The following POLA2 variants were observed in gnomAD, a reference collection of about 807,000 sequenced individuals.
POLA2 encodes DNA polymerase alpha subunit B.
In POLA2, 47 loss-of-function variants were observed where a neutral mutation model predicts 82.8. The ratio of observed to expected loss-of-function variants is 0.57; its 90% CI spans 0.45 to 0.72. The LOEUF (loss-of-function observed/expected upper bound fraction) is 0.72. POLA2 is among the 30% of genes least tolerant of loss of function. The probability of loss-of-function intolerance (pLI) is 0.00; values close to 1 mark genes in which losing one functional copy is unlikely to be tolerated. For synonymous variants in POLA2, 287 were observed against 286.8 expected, an observed-to-expected ratio of 1.00 and a Z score of -0.01; for missense variants, 634 against 728.1, an observed-to-expected ratio of 0.87 and a Z score of 1.49.
In POLA2 at chr11:65,288,508, TTTTG is replaced by T. The variant is rs1342733366; in HGVS notation, c.1132-538_1132-535del. Among the ~76,000 whole-genome samples, 782 of 113,296 alleles carry T rather than the reference TTTTG, an allele frequency of 6.9e-3. 6 individuals are homozygous for T. Among genetic ancestry groups the T allele is most frequent in the African/African-American group, 0.02 (751 of 37,070 alleles). 74.3% of individuals were successfully genotyped at this position (113,296 alleles called of 152,430 possible). A position where few individuals can be genotyped will look rare whatever the true frequency, so the allele number is the denominator to read the frequency against. On this transcript the variant is annotated intron_variant, in intron 11 of 17. Transcript: ENST00000265465. ...TGTGCATTTTTATTGTTCGTTTGTT[TTTTG>T]TTTTTTTTTTTTTTTTTGGGACAGA...
Position 65,278,714 on chromosome 11 carries a change from T to C in POLA2, c.462-16T>C, listed in dbSNP as rs776876238. 8 of 1,605,960 alleles carry C rather than the reference T, an allele frequency of 5.0e-6. No homozygotes were observed. In the Admixed American group the frequency reaches 1.3e-4, roughly 27 times the overall value. On this transcript the variant is annotated splice_polypyrimidine_tract_variant and intron_variant, in intron 5 of 17. Transcript: ENST00000265465. ...ATATGAACACAGTAATATTAACCTGTTTTGCTTCCAATTAGTGCTACTCCC... is the reference window on the plus strand; with the variant it reads ...ATATGAACACAGTAATATTAACCTGCTTTGCTTCCAATTAGTGCTACTCCC...
rs181982036 is a variant in POLA2, at chr11:65,293,254, C to A, written c.1245-899C>A. On this transcript the variant is annotated intron_variant, in intron 13 of 17. Coordinates refer to ENST00000265465, the MANE Select transcript of POLA2 (RefSeq NM_002689.4). ...CCTCCCACTGGAAATGTCTGTGTCT[C>A]GGTTGTCCAGTAATTATGGCCCAGT... Among the ~76,000 whole-genome samples, 5 of 152,162 alleles carry A rather than the reference C, an allele frequency of 3.3e-5. No individual in the cohort carries two copies. In the East Asian group the frequency reaches 9.7e-4, roughly 29 times the overall value.
chr11:65,296,102 C>G (rs767209835), intron 17 of POLA2, 112 bp downstream of exon 17: 1 of 1,168,302 alleles, frequency 8.6e-7, no homozygotes, highest in Non-Finnish European at 1.3e-6. Flanking sequence ...GATGGGGCCT[C>G]TAGCACCCTG....
downstream of POLA2, among the ~76,000 whole-genome samples, chr11:65,299,254 G>C (rs1296460353): frequency 3.3e-5 from 5 of 152,218 alleles, no homozygotes; most frequent in African/African-American, 1.2e-4. Context: ...CATGGCCCCT[G>C]CCCTTGAGAC....
chr11:65,275,366 CAAA>C (rs760641138), intron 4 of POLA2, among the ~76,000 whole-genome samples: 19 of 85,758 alleles, frequency 2.2e-4, no homozygotes, highest in Non-Finnish European at 2.1e-4. Context: ...GTTGATGAGT[CAAA>C]AAAAAAAAAA....
At chr11:65,302,200 C>T (rs1338385372), downstream of POLA2, among the ~76,000 whole-genome samples, 3 of 152,240 alleles carry the variant, frequency 2.0e-5, no homozygotes, top group Non-Finnish European at 4.4e-5. Flanking sequence ...CTTCTCTGCT[C>T]ACTCCCATCG....
At chr11:65,305,578 G>A (rs1436926147) in exon 9 of POLA2, 8 of 362,890 alleles carry the variant, frequency 2.2e-5, no homozygotes, top group East Asian at 1.5e-4. Context: ...GGAGGCCAAG[G>A]CGGGAGGATG....
intron 8 of POLA2, 143 bp downstream of exon 8, chr11:65,281,290 A>G: frequency 1.1e-6 from 1 of 884,298 alleles, no homozygotes; most frequent in East Asian, 2.5e-5. Flanking sequence ...AGCAGACACC[A>G]CTGTTGGGAT....
chr11:65,303,521 CA>C (rs371517731), downstream of POLA2, among the ~76,000 whole-genome samples: 2 of 149,458 alleles, frequency 1.3e-5, no homozygotes, highest in African/African-American at 2.5e-5. Context: ...GACTCAGTCT[CA>C]AAAAAAAAGA....
At chr11:65,288,008 T>A (rs1253638065) in intron 11 of POLA2, among the ~76,000 whole-genome samples, 168 bp downstream of exon 11, 1 of 152,148 alleles carries the variant, frequency 6.6e-6, no homozygotes. Flanking sequence ...TTTGCTAGAT[T>A]TAAAAGCCCA....
intron 5 of POLA2, 22 bp from the exon 6 acceptor site, chr11:65,278,708 A>G: frequency 6.3e-7 from 1 of 1,593,654 alleles, no homozygotes; most frequent in Non-Finnish European, 8.6e-7. Flanking sequence ...CAGTAATATT[A>G]ACCTGTTTTG....
At chr11:65,288,854 G>A (rs545659916) in intron 11 of POLA2, among the ~76,000 whole-genome samples, 196 bp from the exon 12 acceptor site, 3 of 152,184 alleles carry the variant, frequency 2.0e-5, no homozygotes, top group Admixed American at 6.6e-5. Context: ...TCCATCTGGG[G>A]CAAACGTGTT....
intron 1 of POLA2, 39 bp downstream of exon 1, chr11:65,262,410 A>G: frequency 6.4e-7 from 1 of 1,551,578 alleles, no homozygotes; most frequent in Non-Finnish European, 8.8e-7. Context: ...GCCGTGCTCC[A>G]CGCTCTCGCC....
chr11:65,294,732 G>A (rs41555421), intron 15 of POLA2, 80 bp downstream of exon 15: 19 of 976,242 alleles, frequency 1.9e-5, no homozygotes, highest in Admixed American at 1.2e-4. Context: ...AAAATCAAGG[G>A]GCTGCTTAAC....
chr11:65,278,923 G>A lies in POLA2; in HGVS notation c.655G>A (p.Val219Ile). 6.2e-7 allele frequency: 1 copy of A among 1,612,558 alleles called. No homozygotes were observed. ...TCAGAAGCTCCCAGACATTCGAGAA[G>A]GTGATTGTTTTTCCCTTTGAAATTC... ...MFQKLPDIREVLTCKIEELGS... is the reference protein window; with the variant it reads ...MFQKLPDIREILTCKIEELGS... The change falls in exon 6 of 18, where the codon GTT becomes ATT. Residue 219 changes from valine (V) to isoleucine (I), a missense_variant and splice_region_variant. By Grantham distance (29) the Val-to-Ile change is conservative. Coordinates refer to ENST00000265465, the MANE Select transcript of POLA2 (RefSeq NM_002689.4).
intron 4 of POLA2, among the ~76,000 whole-genome samples, chr11:65,272,379 G>GT (rs1183480684): frequency 6.6e-6 from 1 of 152,184 alleles, no homozygotes; most frequent in Admixed American, 6.5e-5. Flanking sequence ...CCTGACCCTT[G>GT]TCAGGTCTTG....
At chr11:65,288,958 A>G (rs2137569820) in intron 11 of POLA2, 92 bp from the exon 12 acceptor site, 3 of 1,207,926 alleles carry the variant, frequency 2.5e-6, no homozygotes, top group Non-Finnish European at 2.4e-6. Flanking sequence ...TGAGCCCTCC[A>G]CAGAGAACTG....
Position 65,261,975 on chromosome 11 carries a change from T to G in POLA2, c.-318T>G. The G allele has an allele frequency of 1.4e-5, 6 of 427,354 alleles. No individual in the cohort carries two copies. The South Asian group carries it at 1.5e-4, about 11-fold the overall frequency. 26.5% of individuals were successfully genotyped at this position (427,354 alleles called of 1,614,324 possible). Reference sequence around the variant, plus strand: ...TTCCGGCCACTCAGTTCTGCCACCGTCACTGAGAAGCTCAGCGGTAGCTTT... The same window carrying G: ...TTCCGGCCACTCAGTTCTGCCACCGGCACTGAGAAGCTCAGCGGTAGCTTT... On this transcript the variant is annotated 5_prime_UTR_variant, in exon 1 of 18. Transcript: ENST00000265465.
chr11:65,264,195 G>A (rs1949433298), intron 1 of POLA2, among the ~76,000 whole-genome samples: 1 of 152,110 alleles, frequency 6.6e-6, no homozygotes, highest in South Asian at 2.1e-4. Flanking sequence ...AGCCTCCCGA[G>A]TAGCTGGGAT....
Sources: allele counts gnomAD v4.1 joint callset (sites outside exome capture counted in the v4.1 genomes callset), GRCh38; gene constraint gnomAD v4.1.1; transcripts MANE v1.5; gene names NCBI Gene and HGNC (gene_info 2026-07-23, HGNC 2026-07-21).